Variants in CLASP2 observed in about 807,000 individuals in gnomAD.
CLASP2 encodes the protein cytoplasmic linker associated protein 2.
In CLASP2, 47 loss-of-function variants were observed where a neutral mutation model predicts 194.4. That is an observed-to-expected ratio of 0.24 (90% CI 0.19 to 0.31). CLASP2 has a LOEUF of 0.31. Ranked by LOEUF, CLASP2 falls within the 10% of genes least tolerant of loss-of-function variation. The pLI, the probability that CLASP2 is intolerant of heterozygous loss-of-function variation, is 1.00. For missense variants in CLASP2, 1,445 were observed against 1,823.6 expected, an observed-to-expected ratio of 0.79 and a Z score of 3.78; for synonymous variants, 619 against 633.5, an observed-to-expected ratio of 0.98 and a Z score of 0.34.
chr3:33,658,880 T>C, intron 7 of CLASP2: 2 of 1,163,674 alleles, frequency 1.7e-6, no homozygotes, highest in South Asian at 2.8e-5. Context: ...CCTTCATTCT[T>C]TAGGGAGAAA....
chr3:33,657,351 T>C (rs2084436066), intron 7 of CLASP2, among the ~76,000 whole-genome samples: 1 of 152,130 alleles, frequency 6.6e-6, no homozygotes, highest in Admixed American at 6.5e-5. Flanking sequence ...GTATATATTT[T>C]TGAAGAAGAG....
intron 9 of CLASP2, among the ~76,000 whole-genome samples, chr3:33,631,930 T>C (rs945901387): frequency 1.3e-5 from 2 of 152,180 alleles, no homozygotes. Flanking sequence ...TTTTAAGTCA[T>C]GGAAATAATA....
At chr3:33,520,588 G>A (rs1016572300) in intron 34 of CLASP2, among the ~76,000 whole-genome samples, 2 of 152,136 alleles carry the variant, frequency 1.3e-5, no homozygotes, top group Non-Finnish European at 2.9e-5. Context: ...AAGCCTAGCA[G>A]GATGAGGAGT....
intron 6 of CLASP2, among the ~76,000 whole-genome samples, chr3:33,675,812 A>G (rs1283925774): frequency 7.0e-6 from 1 of 142,634 alleles, no homozygotes; most frequent in East Asian, 2.2e-4. Context: ...CAGCCAAATC[A>G]TGAGTGAACT....
At chr3:33,677,104 T>A (rs953718656) in intron 6 of CLASP2, among the ~76,000 whole-genome samples, 2 of 152,092 alleles carry the variant, frequency 1.3e-5, no homozygotes, top group Non-Finnish European at 2.9e-5. Flanking sequence ...ACACTGTTGG[T>A]GGGACTGTAA....
At chr3:33,684,583 T>C in intron 5 of CLASP2, 127 bp from the exon 6 acceptor site, 2 of 474,870 alleles carry the variant, frequency 4.2e-6, no homozygotes, top group Non-Finnish European at 7.3e-6. Context: ...CCTGCATATA[T>C]GGCTTGTCAT....
chr3:33,571,567 A>G (rs1198419589), intron 25 of CLASP2, among the ~76,000 whole-genome samples: 4 of 151,490 alleles, frequency 2.6e-5, no homozygotes, highest in Non-Finnish European at 2.9e-5. Flanking sequence ...CCCGGGGGGC[A>G]GAGGTTGCAC....
At chr3:33,701,577 C>A (rs769005705) in intron 1 of CLASP2, among the ~76,000 whole-genome samples, 2 of 152,188 alleles carry the variant, frequency 1.3e-5, no homozygotes, top group Non-Finnish European at 2.9e-5. Context: ...GCCTGGGTAA[C>A]AGAGTAATAC....
intron 12 of CLASP2, 28 bp downstream of exon 12, chr3:33,619,575 G>A: frequency 6.5e-7 from 1 of 1,531,214 alleles, no homozygotes. Flanking sequence ...GGAGGAGGCA[G>A]CAGTAGAAAA....
chr3:33,556,034 C>CT (rs2154171146), intron 29 of CLASP2, among the ~76,000 whole-genome samples: 1 of 152,278 alleles, frequency 6.6e-6, no homozygotes, highest in Admixed American at 6.5e-5. Context: ...GAAAAACAAT[C>CT]TAGCTGCTAA....
intron 36 of CLASP2, among the ~76,000 whole-genome samples, chr3:33,514,083 G>A (rs1288290681): frequency 6.6e-6 from 1 of 152,126 alleles, no homozygotes; most frequent in East Asian, 1.9e-4. Context: ...CGCCTCCCTG[G>A]TTCAAGCAAT....
intron 10 of CLASP2, 101 bp from the exon 11 acceptor site, chr3:33,622,381 A>G (rs2077250075): frequency 1.2e-6 from 1 of 848,570 alleles, no homozygotes; most frequent in Non-Finnish European, 1.7e-6. Context: ...TAATAAATGA[A>G]ACATATATAA....
intron 25 of CLASP2, among the ~76,000 whole-genome samples, chr3:33,571,215 G>GT (rs2063701391): frequency 6.9e-6 from 1 of 144,396 alleles, no homozygotes; most frequent in Non-Finnish European, 1.5e-5. Flanking sequence ...GGGTTTCACC[G>GT]TGTTAGCCAG....
At chr3:33,635,364 G>C (rs2079941501) in intron 8 of CLASP2, among the ~76,000 whole-genome samples, 1 of 152,144 alleles carries the variant, frequency 6.6e-6, no homozygotes, top group Non-Finnish European at 1.5e-5. Flanking sequence ...GTCTTCCCTA[G>C]GTGTTGCAAT....
chr3:33,653,861 A>C (rs2083653383), intron 7 of CLASP2, among the ~76,000 whole-genome samples: 1 of 152,150 alleles, frequency 6.6e-6, no homozygotes, highest in South Asian at 2.1e-4. Flanking sequence ...TAATAATTTT[A>C]ATCACTTTAC....
At chr3:33,629,530 G>T (rs2078673066) in intron 9 of CLASP2, among the ~76,000 whole-genome samples, 1 of 152,092 alleles carries the variant, frequency 6.6e-6, no homozygotes, top group South Asian at 2.1e-4. Context: ...GACAGAGACA[G>T]GCTGGCTGAT....
intron 13 of CLASP2, among the ~76,000 whole-genome samples, chr3:33,610,174 T>C (rs1036611757): frequency 1.3e-5 from 2 of 152,246 alleles, no homozygotes; most frequent in African/African-American, 2.4e-5. Flanking sequence ...ATGCTTTTCA[T>C]TGTTTCTTCT....
At chr3:33,545,498 G>T (rs891510669) in intron 30 of CLASP2, among the ~76,000 whole-genome samples, 2 of 152,114 alleles carry the variant, frequency 1.3e-5, no homozygotes, top group Non-Finnish European at 2.9e-5. Flanking sequence ...ACAACACTAG[G>T]GGGAATGGTT....
Position 33,498,736 on chromosome 3 carries a change from T to C in CLASP2, c.4435-19A>G, listed in dbSNP as rs1354734709. ...GCTTCATCTGCAGATTCAAGCCAAA[T>C]AAATGTCATTTGAGCAAGCTGCTCC... On this transcript the variant is annotated intron_variant, in intron 38 of 38. Transcript: ENST00000682230. The C allele has an allele frequency of 5.1e-6, 8 of 1,565,306 alleles. No individual in the cohort carries two copies. The East Asian group carries it at 1.8e-4, about 35-fold the overall frequency.
Sources: gnomAD v4.1 joint callset for allele counts (sites outside exome capture counted in the v4.1 genomes callset) on GRCh38, gnomAD v4.1.1 for gene constraint, MANE v1.5 for transcripts, NCBI Gene and HGNC (gene_info 2026-07-23, HGNC 2026-07-21) for gene names.